Variants in DLG2 observed in about 807,000 individuals in gnomAD.
DLG2 encodes disks large homolog 2.
A neutral mutation model predicts 132.5 loss-of-function variants in DLG2; 45 were observed. That is an observed-to-expected ratio of 0.34 (90% CI 0.27 to 0.44). The LOEUF (loss-of-function observed/expected upper bound fraction) is 0.44, where lower values mean the gene tolerates loss of function less well. Among genes scored for constraint, DLG2 ranks in the 20% least tolerant of loss-of-function variants. The probability of loss-of-function intolerance (pLI) is 1.00; values close to 1 mark genes in which losing one functional copy is unlikely to be tolerated. For missense variants in DLG2, 1,045 were observed against 1,196.9 expected (o/e 0.87, Z 1.87); for synonymous variants, 424 against 419.6 (o/e 1.01, Z -0.13).
At chr11:84,895,620 T>C (rs2154066991) in intron 6 of DLG2, among the ~76,000 whole-genome samples, 1 of 152,308 alleles carries the variant, frequency 6.6e-6, no homozygotes, top group Admixed American at 6.5e-5. Flanking sequence ...AGTACCAAAT[T>C]AAAAGGCAGA....
chr11:85,259,665 C>G (rs2076841648), intron 4 of DLG2, among the ~76,000 whole-genome samples: 1 of 151,830 alleles, frequency 6.6e-6, no homozygotes, highest in Non-Finnish European at 1.5e-5. Context: ...CATCCCATCA[C>G]CTGGACTCCT....
intron 7 of DLG2, among the ~76,000 whole-genome samples, chr11:84,442,585 C>T (rs1038177525): frequency 6.6e-6 from 1 of 151,956 alleles, no homozygotes; most frequent in African/African-American, 2.4e-5. Context: ...ATGTAGATGA[C>T]AAGTTGATGG....
intron 4 of DLG2, among the ~76,000 whole-genome samples, chr11:85,177,787 A>G (rs1386558950): frequency 2.0e-5 from 3 of 152,178 alleles, no homozygotes; most frequent in African/African-American, 7.2e-5. Context: ...TGAACAATGC[A>G]TAATCAGTAA....
At chr11:83,600,236 G>GGTGTGTGTGTGTGTGTGTGTGTGT (rs57674131) in intron 19 of DLG2, among the ~76,000 whole-genome samples, 3 of 145,512 alleles carry the variant, frequency 2.1e-5, no homozygotes, top group African/African-American at 5.1e-5. Flanking sequence ...CTAGCTATAG[G>GGTGTGTGTGTGTGTGTGTGTGTGT]GTGTGTGTGT....
chr11:83,513,637 TC>T (rs568615076), intron 21 of DLG2, among the ~76,000 whole-genome samples: 64 of 152,358 alleles, frequency 4.2e-4, no homozygotes, highest in Non-Finnish European at 7.6e-4. Flanking sequence ...GCCTAGGTTT[TC>T]TTCTAGGGTT....
intron 3 of DLG2, among the ~76,000 whole-genome samples, chr11:85,382,148 G>T (rs932656424): frequency 9.9e-5 from 15 of 152,088 alleles, no homozygotes; most frequent in African/African-American, 3.6e-4. Context: ...AATCAAGACA[G>T]CATGGTACTG....
chr11:84,123,875 T>C (rs964983292), intron 9 of DLG2, among the ~76,000 whole-genome samples: 2 of 152,220 alleles, frequency 1.3e-5, no homozygotes, highest in African/African-American at 4.8e-5. Flanking sequence ...GGCATGTGCT[T>C]TCATTAGTAT....
intron 9 of DLG2, among the ~76,000 whole-genome samples, chr11:84,119,894 C>A: frequency 6.6e-6 from 1 of 152,064 alleles, no homozygotes; most frequent in East Asian, 1.9e-4. Context: ...AGAAAAATTC[C>A]TCTGATATGA....
At chr11:85,524,729 A>G (rs1473413764) in intron 3 of DLG2, among the ~76,000 whole-genome samples, 5 of 152,166 alleles carry the variant, frequency 3.3e-5, no homozygotes, top group African/African-American at 1.2e-4. Flanking sequence ...CCTGGACTCA[A>G]GCTGTCCTCC....
chr11:84,974,782 G>A (rs541673678), intron 6 of DLG2, among the ~76,000 whole-genome samples: 37 of 152,272 alleles, frequency 2.4e-4, no homozygotes, highest in African/African-American at 8.7e-4. Context: ...TTAGGACCCA[G>A]GAATTTGTAT....
At chr11:84,034,063 A>T (rs1593561958) in intron 11 of DLG2, among the ~76,000 whole-genome samples, 1 of 152,222 alleles carries the variant, frequency 6.6e-6, no homozygotes, top group South Asian at 2.1e-4. Flanking sequence ...CCCGGGCAAC[A>T]AGAGCGAAAC....
chr11:85,186,054 G>C (rs1376251427), intron 4 of DLG2, among the ~76,000 whole-genome samples: 2 of 151,776 alleles, frequency 1.3e-5, no homozygotes, highest in Non-Finnish European at 2.9e-5. Context: ...AGTTTGTTTT[G>C]ACATTAAACT....
intron 3 of DLG2, among the ~76,000 whole-genome samples, chr11:85,317,057 T>A (rs2080733842): frequency 1.3e-5 from 2 of 151,844 alleles, no homozygotes; most frequent in African/African-American, 4.8e-5. Flanking sequence ...AATATCAACT[T>A]TGAAGGTAAA....
At chr11:84,410,853 T>C (rs2098898294) in intron 7 of DLG2, among the ~76,000 whole-genome samples, 1 of 152,168 alleles carries the variant, frequency 6.6e-6, no homozygotes, top group African/African-American at 2.4e-5. Flanking sequence ...CTGCTGGAAT[T>C]ACAGGCATGA....
chr11:85,136,288 A>G (rs1594744161), intron 5 of DLG2, among the ~76,000 whole-genome samples: 2 of 152,330 alleles, frequency 1.3e-5, no homozygotes, highest in East Asian at 3.9e-4. Context: ...GATTAACTGG[A>G]TAATGTATGT....
chr11:84,894,741 G>C (rs1228081609), intron 6 of DLG2, among the ~76,000 whole-genome samples: 1 of 152,160 alleles, frequency 6.6e-6, no homozygotes, highest in Non-Finnish European at 1.5e-5. Context: ...AAGGATCACT[G>C]TTTGACTAGT....
chr11:84,133,747 C>T (rs1945825), intron 9 of DLG2, among the ~76,000 whole-genome samples: 103,435 of 151,724 alleles, frequency 0.68, 36,442 homozygotes, highest in Middle Eastern at 0.8. Flanking sequence ...TGTTTAATAG[C>T]TGGGACTATA....
At chr11:83,840,686 A>G (rs575220528) in intron 16 of DLG2, among the ~76,000 whole-genome samples, 8 of 152,342 alleles carry the variant, frequency 5.3e-5, no homozygotes, top group African/African-American at 1.4e-4. Context: ...AAATATGACA[A>G]TGGTTAAAAA....
intron 8 of DLG2, among the ~76,000 whole-genome samples, chr11:84,213,707 T>C (rs1223243880): frequency 6.6e-6 from 1 of 150,846 alleles, no homozygotes; most frequent in Non-Finnish European, 1.5e-5. Flanking sequence ...TAGTCCCAGC[T>C]ACTCGGGAGG....
Sources: allele counts gnomAD v4.1 joint callset (sites outside exome capture counted in the v4.1 genomes callset), GRCh38; gene constraint gnomAD v4.1.1; transcripts MANE v1.5; gene names NCBI Gene and HGNC (gene_info 2026-07-23, HGNC 2026-07-21).